Variants in SMARCC1 observed in about 807,000 individuals in gnomAD.
The protein encoded by SMARCC1 is SWI/SNF related BAF chromatin remodeling complex subunit C1, also known as SWI/SNF complex subunit SMARCC1.
A neutral mutation model predicts 147.4 loss-of-function variants in SMARCC1; 43 were observed. The observed-to-expected ratio is 0.29, with a 90% CI of 0.23 to 0.38. The LOEUF (loss-of-function observed/expected upper bound fraction) is 0.38. Ranked by LOEUF, SMARCC1 falls within the 10% of genes least tolerant of loss-of-function variation. The probability of loss-of-function intolerance (pLI) is 1.00; values close to 1 mark genes in which losing one functional copy is unlikely to be tolerated. For missense variants in SMARCC1, 1,119 were observed against 1,381.1 expected (o/e 0.81, Z 3.01); for synonymous variants, 495 against 484.4 (o/e 1.02, Z -0.29).
intron 24 of SMARCC1, among the ~76,000 whole-genome samples, chr3:47,634,577 A>G (rs929863497): frequency 6.6e-5 from 10 of 152,232 alleles, no homozygotes; most frequent in African/African-American, 2.4e-4. Flanking sequence ...ACAGGGGAAA[A>G]GATTTTTAAA....
intron 21 of SMARCC1, among the ~76,000 whole-genome samples, chr3:47,640,152 T>A (rs2033029572): frequency 6.6e-6 from 1 of 151,638 alleles, no homozygotes; most frequent in South Asian, 2.1e-4. Context: ...TAGGCTTAAA[T>A]CAGAAAAGAA....
intron 3 of SMARCC1, among the ~76,000 whole-genome samples, chr3:47,740,178 C>CTTTTTTTTTTTTTTTTTT (rs34523367): frequency 2.8e-5 from 1 of 35,710 alleles, no homozygotes; most frequent in Non-Finnish European, 5.6e-5. Context: ...GCCCGGCCAT[C>CTTTTTTTTTTTTTTTTTT]TTTTTTTTTT....
intron 26 of SMARCC1, among the ~76,000 whole-genome samples, chr3:47,592,502 T>C (rs1015314509): frequency 2.6e-5 from 4 of 152,254 alleles, no homozygotes; most frequent in Admixed American, 1.3e-4. Flanking sequence ...AAACAATTGA[T>C]GAGCCAGATT....
intron 24 of SMARCC1, among the ~76,000 whole-genome samples, chr3:47,634,697 A>G (rs1166314279): frequency 6.6e-6 from 1 of 152,226 alleles, no homozygotes; most frequent in Non-Finnish European, 1.5e-5. Flanking sequence ...CTATAAATAG[A>G]AAAAACCACC....
chr3:47,598,862 G>GACAGAC (rs1553672022), intron 26 of SMARCC1, among the ~76,000 whole-genome samples: 2 of 128,132 alleles, frequency 1.6e-5, no homozygotes, highest in South Asian at 2.5e-4. Flanking sequence ...GAGAGAGAGA[G>GACAGAC]ACACACACAC....
chr3:47,705,696 A>G (rs2106792548), intron 10 of SMARCC1, among the ~76,000 whole-genome samples: 1 of 152,346 alleles, frequency 6.6e-6, no homozygotes, highest in African/African-American at 2.4e-5. Context: ...TGACTGTCAC[A>G]TGAAAATAAT....
intron 2 of SMARCC1, among the ~76,000 whole-genome samples, chr3:47,746,559 G>A (rs911322658): frequency 3.3e-5 from 5 of 151,986 alleles, no homozygotes; most frequent in Admixed American, 6.6e-5. Flanking sequence ...AATCACTTGA[G>A]CACAGAAATT....
In SMARCC1 at chr3:47,720,358, C is replaced by T. The variant is rs1261460672; in HGVS notation, c.716+308G>A. Among the ~76,000 whole-genome samples the T allele has an allele frequency of 5.3e-5, 8 of 151,804 alleles. No individual in the cohort carries two copies. The East Asian group carries it at 1.4e-3, about 26-fold the overall frequency. On this transcript the variant is annotated intron_variant, in intron 7 of 27. Transcript: ENST00000254480. ...CAGGCTGGTCTTGAGCTCCTGACCT[C>T]ATGATCCACTGCCTCAGCCTCCCAA...
At chr3:47,764,791 G>A (rs1192522596) in intron 2 of SMARCC1, among the ~76,000 whole-genome samples, 6 of 152,206 alleles carry the variant, frequency 3.9e-5, no homozygotes, top group Admixed American at 3.9e-4. Flanking sequence ...GTATGTGGCT[G>A]AGCAGTTCAG....
intron 1 of SMARCC1, among the ~76,000 whole-genome samples, chr3:47,779,577 A>T (rs957278955): frequency 2.0e-5 from 3 of 152,202 alleles, no homozygotes; most frequent in African/African-American, 7.2e-5. Context: ...AGTCTCAGGG[A>T]TAGTGAATCA....
At chr3:47,618,559 T>A (rs921810791) in intron 25 of SMARCC1, among the ~76,000 whole-genome samples, 4 of 151,656 alleles carry the variant, frequency 2.6e-5, no homozygotes, top group African/African-American at 9.7e-5. Flanking sequence ...CAGAAAAAAG[T>A]CAAAAGAGAA....
At chr3:47,674,596 T>A (rs2033545006) in intron 18 of SMARCC1, among the ~76,000 whole-genome samples, 1 of 152,214 alleles carries the variant, frequency 6.6e-6, no homozygotes, top group African/African-American at 2.4e-5. Flanking sequence ...AAATTAAGCA[T>A]AATGTACCCG....
chr3:47,601,584 A>C (rs1267767442), intron 26 of SMARCC1: 1 of 151,958 alleles, frequency 6.6e-6, no homozygotes, highest in Non-Finnish European at 1.5e-5. Context: ...TGTGAGGGTA[A>C]CCTGCTACTC....
rs2035055842 is a variant in SMARCC1 at position 47,781,881 on chromosome 3, C to G, written c.-84G>C. The G allele has an allele frequency of 3.1e-6, 3 of 983,180 alleles. No individual in the cohort carries two copies. Among genetic ancestry groups the G allele is most frequent in the South Asian group, 3.9e-5 (1 of 25,674 alleles). The allele number at this position is 983,180 out of a possible 1,614,324, so 60.9% of individuals were successfully genotyped here. The stretch of plus-strand genomic sequence containing the variant: ...TCGTTCCCGCGCGCACCCCCGCGCG[C>G]GTAGCCGCCACTGCCGCTTCCCGGC... On this transcript the variant is annotated 5_prime_UTR_variant, in exon 1 of 28. Coordinates refer to ENST00000254480, the MANE Select transcript of SMARCC1 (RefSeq NM_003074.4).
At chr3:47,728,566 T>C (rs1471683819) in intron 6 of SMARCC1, among the ~76,000 whole-genome samples, 2 of 152,160 alleles carry the variant, frequency 1.3e-5, no homozygotes, top group Non-Finnish European at 2.9e-5. Flanking sequence ...TTTCCTAATA[T>C]AAAGAAATAA....
chr3:47,724,768 G>C (rs2034278772), intron 6 of SMARCC1, among the ~76,000 whole-genome samples: 1 of 152,114 alleles, frequency 6.6e-6, no homozygotes, highest in Non-Finnish European at 1.5e-5. Context: ...AAGATCTCTT[G>C]CACGTGACTG....
chr3:47,758,331 G>A (rs1487027543), intron 2 of SMARCC1, among the ~76,000 whole-genome samples: 1 of 151,712 alleles, frequency 6.6e-6, no homozygotes, highest in Non-Finnish European at 1.5e-5. Context: ...ATCTAACCCA[G>A]GCTGGTTTTG....
chr3:47,723,508 C>T (rs2034261546), intron 6 of SMARCC1, among the ~76,000 whole-genome samples: 1 of 151,236 alleles, frequency 6.6e-6, no homozygotes, highest in Admixed American at 6.6e-5. Context: ...TACAACTGAA[C>T]AACAACAAAC....
At chr3:47,637,305 C>T (rs1008822091) in intron 22 of SMARCC1, among the ~76,000 whole-genome samples, 2 of 152,194 alleles carry the variant, frequency 1.3e-5, no homozygotes, top group Non-Finnish European at 2.9e-5. Flanking sequence ...CTCCCCTTAA[C>T]TATATACAAT....
Sources: allele counts gnomAD v4.1 joint callset (sites outside exome capture counted in the v4.1 genomes callset), GRCh38; gene constraint gnomAD v4.1.1; transcripts MANE v1.5; gene names NCBI Gene and HGNC (gene_info 2026-07-23, HGNC 2026-07-21).